The following SLCO3A1 variants were observed in gnomAD, a reference collection of about 807,000 sequenced individuals.
The protein encoded by SLCO3A1 is PGE1 transporter.
SLCO3A1 carries 27 observed loss-of-function variants against 63.1 expected under a neutral mutation model. The observed-to-expected ratio is 0.43, with a 90% CI of 0.32 to 0.59. SLCO3A1 has a LOEUF of 0.59. Ranked by LOEUF, SLCO3A1 falls within the 20% of genes least tolerant of loss-of-function variation. The pLI, the probability that SLCO3A1 is intolerant of heterozygous loss-of-function variation, is 0.09. For missense variants in SLCO3A1, 773 were observed against 945.8 expected (o/e 0.82, Z 2.40); for synonymous variants, 473 against 409.9 (o/e 1.15, Z -1.86).
At chr15:92,090,056 C>G (rs181676298) in intron 2 of SLCO3A1, among the ~76,000 whole-genome samples, 1 of 152,134 alleles carries the variant, frequency 6.6e-6, no homozygotes. Context: ...ATATTTTAGT[C>G]ATAATCGCTT....
At chr15:91,951,763 C>T (rs948102798) in intron 2 of SLCO3A1, among the ~76,000 whole-genome samples, 7 of 152,090 alleles carry the variant, frequency 4.6e-5, no homozygotes, top group African/African-American at 1.7e-4. Flanking sequence ...CCATGTTGGC[C>T]AGGTTGGTCT....
At chr15:92,122,177 C>T (rs981700927) in intron 5 of SLCO3A1, among the ~76,000 whole-genome samples, 1 of 152,070 alleles carries the variant, frequency 6.6e-6, no homozygotes, top group African/African-American at 2.4e-5. Flanking sequence ...TGGTGGACAG[C>T]CCTTGACAGA....
At chr15:92,149,308 C>T (rs2048273159) in intron 8 of SLCO3A1, 1 of 152,242 alleles carries the variant, frequency 6.6e-6, no homozygotes. Flanking sequence ...GCTGGAAGCG[C>T]ATGCTATGCA....
Position 92,100,751 on chromosome 15 carries a change from T to C in SLCO3A1, c.746-3528T>C, listed in dbSNP as rs758315724. Among the ~76,000 whole-genome samples the C allele has an allele frequency of 2.6e-4, 39 of 152,242 alleles. 1 individual carries two copies. The highest frequency in any genetic ancestry group is 4.7e-4 in the Non-Finnish European group (32 of 68,048). On this transcript the variant is annotated intron_variant, in intron 3 of 9. Transcript: ENST00000318445. ...GTACTAGTCAGGGTAGGCTAGGTTA[T>C]GTTGCGGTAACAAACAGCTCCCAAC...
At chr15:92,092,704 A>T (rs2047491719) in intron 2 of SLCO3A1, among the ~76,000 whole-genome samples, 1 of 151,938 alleles carries the variant, frequency 6.6e-6, no homozygotes, top group Non-Finnish European at 1.5e-5. Flanking sequence ...CTGCTCCCTA[A>T]CCACAACCCC....
chr15:92,144,455 G>C, intron 7 of SLCO3A1, among the ~76,000 whole-genome samples: 1 of 152,186 alleles, frequency 6.6e-6, no homozygotes, highest in Non-Finnish European at 1.5e-5. Flanking sequence ...ATTGATGATA[G>C]TCTCTAGGGA....
chr15:92,032,608 T>C (rs1210231630), intron 2 of SLCO3A1, among the ~76,000 whole-genome samples: 1 of 151,350 alleles, frequency 6.6e-6, no homozygotes, highest in Non-Finnish European at 1.5e-5. Flanking sequence ...AAGCTTTGGG[T>C]AGTGGAGGTG....
chr15:92,166,500 C>T (rs2151608044), downstream of SLCO3A1, among the ~76,000 whole-genome samples: 1 of 152,336 alleles, frequency 6.6e-6, no homozygotes, highest in South Asian at 2.1e-4. Context: ...GTCATCTGTA[C>T]ATTCCAGTCC....
At chr15:91,970,193 A>G (rs748484806) in intron 2 of SLCO3A1, among the ~76,000 whole-genome samples, 4 of 152,262 alleles carry the variant, frequency 2.6e-5, no homozygotes, top group Non-Finnish European at 5.9e-5. Flanking sequence ...AAGCACATGT[A>G]GCACATGTAG....
At position 91,856,573 on chromosome 15, in the gene SLCO3A1, T is replaced by A. The variant is rs999890696; in HGVS notation, c.180+2485T>A. Among the ~76,000 whole-genome samples, 1 of 152,250 alleles carries A rather than the reference T, an allele frequency of 6.6e-6. No homozygotes were observed. Among genetic ancestry groups the A allele is most frequent in the African/African-American group, 2.4e-5 (1 of 41,464 alleles). ...GGAGAATGAAATATTGCAGGCTGTT[T>A]GCAGGAAAGGCACATTTCTTCCTTT... On this transcript the variant is annotated intron_variant, in intron 1 of 9. Transcript: ENST00000318445. This position sits in a 1 kb window ranked among gnomAD's most constrained non-coding sequence, Gnocchi z 4.9.
intron 2 of SLCO3A1, among the ~76,000 whole-genome samples, chr15:92,047,974 C>T (rs907747907): frequency 6.6e-6 from 1 of 151,938 alleles, no homozygotes; most frequent in African/African-American, 2.4e-5. Flanking sequence ...GTGCCCAGGA[C>T]AGTGATGTTC....
intron 2 of SLCO3A1, among the ~76,000 whole-genome samples, chr15:92,034,756 T>C (rs1429899595): frequency 6.6e-6 from 1 of 151,930 alleles, no homozygotes; most frequent in Non-Finnish European, 1.5e-5. Context: ...CTCGTTCCCA[T>C]GTCCCCTCCA....
At chr15:91,952,350 A>G (rs1252567048) in intron 2 of SLCO3A1, among the ~76,000 whole-genome samples, 1 of 152,364 alleles carries the variant, frequency 6.6e-6, no homozygotes, top group East Asian at 1.9e-4. Flanking sequence ...TCACTAGAAT[A>G]TTATGCTCTT....
intron 2 of SLCO3A1, among the ~76,000 whole-genome samples, chr15:92,027,273 C>T (rs543464968): frequency 1.3e-5 from 2 of 152,300 alleles, no homozygotes; most frequent in East Asian, 1.9e-4. Context: ...GTAGAACAAA[C>T]GTTCTTTTAA....
intron 2 of SLCO3A1, among the ~76,000 whole-genome samples, chr15:92,091,315 C>A (rs1360820888): frequency 6.6e-6 from 1 of 152,168 alleles, no homozygotes; most frequent in African/African-American, 2.4e-5. Context: ...TGGAAGACAG[C>A]AGGGGGCAGC....
intron 2 of SLCO3A1, among the ~76,000 whole-genome samples, chr15:91,981,381 G>T (rs925131103): frequency 6.6e-6 from 1 of 152,232 alleles, no homozygotes; most frequent in East Asian, 1.9e-4. Context: ...GAATCCGCGC[G>T]TATCTCATCT....
intron 2 of SLCO3A1, among the ~76,000 whole-genome samples, chr15:92,052,032 C>T (rs1295074722): frequency 6.6e-6 from 1 of 152,132 alleles, no homozygotes; most frequent in Non-Finnish European, 1.5e-5. Context: ...GTCTCCTAAT[C>T]CCCGGGCTCC....
At chr15:92,088,889 T>C (rs2047437016) in intron 2 of SLCO3A1, among the ~76,000 whole-genome samples, 1 of 152,216 alleles carries the variant, frequency 6.6e-6, no homozygotes, top group Admixed American at 6.5e-5. Context: ...CTTGGTCGCT[T>C]AAGGTAACAT....
intron 2 of SLCO3A1, among the ~76,000 whole-genome samples, chr15:91,949,595 AC>A (rs1220713270): frequency 6.6e-6 from 1 of 152,162 alleles, no homozygotes; most frequent in Non-Finnish European, 1.5e-5. Flanking sequence ...GTGCCACTGC[AC>A]TTCAGCCTGG....
Sources: gnomAD v4.1 joint callset for allele counts (sites outside exome capture counted in the v4.1 genomes callset) on GRCh38, gnomAD v4.1.1 for gene constraint, Gnocchi (gnomAD v3.1) non-coding constraint, MANE v1.5 for transcripts, NCBI Gene and HGNC (gene_info 2026-07-23, HGNC 2026-07-21) for gene names.